GALNTL6: variants seen among roughly 807,000 people sequenced by gnomAD.
GALNTL6 encodes the protein polypeptide N-acetylgalactosaminyltransferase like 6.
GALNTL6 carries 46 observed loss-of-function variants against 73.7 expected under a neutral mutation model. The ratio of observed to expected loss-of-function variants is 0.62; its 90% CI spans 0.49 to 0.80. The LOEUF (loss-of-function observed/expected upper bound fraction) is 0.80, where lower values mean the gene tolerates loss of function less well. GALNTL6 is among the 30% of genes least tolerant of loss of function. The pLI, the probability that GALNTL6 is intolerant of heterozygous loss-of-function variation, is 0.00. For missense variants in GALNTL6, 604 were observed against 755.0 expected, an observed-to-expected ratio of 0.80 and a Z score of 2.34; for synonymous variants, 259 against 263.7, an observed-to-expected ratio of 0.98 and a Z score of 0.17.
At chr4:172,717,147 T>C (rs1439405384) in intron 5 of GALNTL6, among the ~76,000 whole-genome samples, 1 of 152,202 alleles carries the variant, frequency 6.6e-6, no homozygotes, top group East Asian at 1.9e-4. Context: ...TCATTTAATT[T>C]TCAGTAGCCA....
intron 2 of GALNTL6, among the ~76,000 whole-genome samples, chr4:171,972,079 A>T (rs404757): frequency 0.98 from 149,206 of 152,272 alleles, 73,177 homozygotes; most frequent in Middle Eastern, 1. Context: ...TGTGAGCATT[A>T]TTTCAGCCTC....
At chr4:172,550,444 A>G (rs1255435028) in intron 5 of GALNTL6, among the ~76,000 whole-genome samples, 1 of 152,144 alleles carries the variant, frequency 6.6e-6, no homozygotes, top group Non-Finnish European at 1.5e-5. Flanking sequence ...TTAGAGATTT[A>G]TATTTACTCT....
intron 2 of GALNTL6, among the ~76,000 whole-genome samples, chr4:171,844,486 C>G (rs1735320768): frequency 6.6e-6 from 1 of 152,158 alleles, no homozygotes; most frequent in African/African-American, 2.4e-5. Flanking sequence ...CATTCAATCT[C>G]ATCTTCCTTT....
At chr4:172,584,755 G>A (rs1737336165) in intron 5 of GALNTL6, among the ~76,000 whole-genome samples, 1 of 152,154 alleles carries the variant, frequency 6.6e-6, no homozygotes, top group Non-Finnish European at 1.5e-5. Context: ...GTCTGTAGCT[G>A]GATATATGTG....
chr4:172,562,742 C>T (rs948579341), intron 5 of GALNTL6, among the ~76,000 whole-genome samples: 1 of 152,196 alleles, frequency 6.6e-6, no homozygotes, highest in Non-Finnish European at 1.5e-5. Flanking sequence ...TCAGTGTGAT[C>T]TTCATTTCTC....
intron 5 of GALNTL6, among the ~76,000 whole-genome samples, chr4:172,662,227 T>C (rs1216307495): frequency 2.6e-5 from 4 of 152,228 alleles, no homozygotes; most frequent in Non-Finnish European, 5.9e-5. Context: ...CTATACCCTC[T>C]GCATGTTTAC....
chr4:172,952,715 C>T (rs1749520573), intron 10 of GALNTL6, among the ~76,000 whole-genome samples: 1 of 152,118 alleles, frequency 6.6e-6, no homozygotes, highest in Non-Finnish European at 1.5e-5. Context: ...GGGGTTTTGC[C>T]ATTTTGGCCA....
intron 2 of GALNTL6, among the ~76,000 whole-genome samples, chr4:172,038,718 T>C (rs1041251503): frequency 1.3e-5 from 2 of 152,340 alleles, no homozygotes; most frequent in Middle Eastern, 3.4e-3. Flanking sequence ...TGCAGTTATG[T>C]TGCTTCCTTG....
chr4:172,930,061 G>A (rs1748248173), intron 8 of GALNTL6, among the ~76,000 whole-genome samples: 1 of 152,148 alleles, frequency 6.6e-6, no homozygotes. Context: ...CGGATCACCT[G>A]AGGTCAGGAG....
At chr4:172,555,672 A>G (rs1389749061) in intron 5 of GALNTL6, among the ~76,000 whole-genome samples, 4 of 152,116 alleles carry the variant, frequency 2.6e-5, no homozygotes, top group Non-Finnish European at 4.4e-5. Flanking sequence ...TATATTTAAC[A>G]TTCCCTAAAT....
chr4:172,693,680 G>C (rs933593085), intron 5 of GALNTL6, among the ~76,000 whole-genome samples: 6 of 152,086 alleles, frequency 3.9e-5, no homozygotes, highest in African/African-American at 1.4e-4. Flanking sequence ...TTTCTTCCCA[G>C]GTGTTCCTCA....
chr4:172,435,556 G>C (rs758135302), intron 5 of GALNTL6, among the ~76,000 whole-genome samples: 5 of 152,096 alleles, frequency 3.3e-5, no homozygotes, highest in Admixed American at 6.6e-5. Flanking sequence ...GATCATTATA[G>C]CTCCATCACA....
intron 2 of GALNTL6, among the ~76,000 whole-genome samples, chr4:172,192,512 G>T (rs1008186769): frequency 6.6e-6 from 1 of 151,896 alleles, no homozygotes; most frequent in Non-Finnish European, 1.5e-5. Flanking sequence ...CTAGGCAGTC[G>T]GAGTGACCCA....
chr4:173,003,190 G>A (rs1315837593), intron 10 of GALNTL6, among the ~76,000 whole-genome samples: 1 of 152,102 alleles, frequency 6.6e-6, no homozygotes, highest in Non-Finnish European at 1.5e-5. Context: ...TCAAAGGGCT[G>A]GGAGACTGGG....
intron 3 of GALNTL6, among the ~76,000 whole-genome samples, chr4:172,251,512 A>T (rs1737869981): frequency 6.6e-6 from 1 of 152,142 alleles, no homozygotes; most frequent in South Asian, 2.1e-4. Context: ...AAGCCTGCAT[A>T]TCAGGCTGGC....
intron 2 of GALNTL6, among the ~76,000 whole-genome samples, chr4:172,125,791 A>G (rs1259834554): frequency 6.6e-6 from 1 of 152,086 alleles, no homozygotes; most frequent in East Asian, 1.9e-4. Flanking sequence ...TTTCATATGT[A>G]TAACTTTCTT....
intron 2 of GALNTL6, among the ~76,000 whole-genome samples, chr4:171,832,434 A>ATG (rs1160571706): frequency 2.0e-5 from 3 of 150,854 alleles, no homozygotes; most frequent in Non-Finnish European, 4.4e-5. Context: ...CAAGTTTTGG[A>ATG]TAGTATTTTT....
chr4:171,878,782 G>C (rs1736356041), intron 2 of GALNTL6, among the ~76,000 whole-genome samples: 1 of 152,092 alleles, frequency 6.6e-6, no homozygotes, highest in East Asian at 1.9e-4. Flanking sequence ...CCCAGTGGGA[G>C]GTGATTGGAT....
At chr4:172,067,055 C>G (rs978959597) in intron 2 of GALNTL6, among the ~76,000 whole-genome samples, 1 of 151,902 alleles carries the variant, frequency 6.6e-6, no homozygotes, top group African/African-American at 2.4e-5. Flanking sequence ...GTTAATCCCT[C>G]CACTTTCACC....
Sources: gnomAD v4.1 joint callset for allele counts (sites outside exome capture counted in the v4.1 genomes callset) on GRCh38, gnomAD v4.1.1 for gene constraint, MANE v1.5 for transcripts, NCBI Gene and HGNC (gene_info 2026-07-23, HGNC 2026-07-21) for gene names.